ADGB: variants seen among roughly 807,000 people sequenced by gnomAD.
The protein encoded by ADGB is androglobin.
Under a neutral mutation model 210.5 loss-of-function variants are expected in ADGB, and 172 were observed. That is an observed-to-expected ratio of 0.82 (90% confidence interval 0.72 to 0.93). ADGB has a LOEUF of 0.93. Ranked by LOEUF, ADGB falls within the 40% of genes least tolerant of loss-of-function variation. ADGB has a pLI of 0.00. For missense variants in ADGB, 2,025 were observed against 1,964.8 expected, an observed-to-expected ratio of 1.03 and a Z score of -0.58; for synonymous variants, 658 against 662.7, an observed-to-expected ratio of 0.99 and a Z score of 0.11.
chr6:146,644,846 A>G lies in ADGB; in HGVS notation c.311A>G (p.Gln104Arg), dbSNP rs1262631859. The change falls in exon 3 of 36, where the codon CAA (glutamine) becomes CGA (arginine). Residue 104 changes from glutamine (Q) to arginine (R), a missense_variant. Transcript: ENST00000397944. The stretch of plus-strand genomic sequence containing the variant: ...AAAATTTATTCCTGGAAACGTCCAC[A>G]AGATATTTTATTTAGTCAGGTAAGA... ...SLKIYSWKRP[Q>R]DILFSQTPVV... 6.7e-7 allele frequency: 1 copy of G among 1,488,286 alleles called. No individual in the cohort carries two copies. Among genetic ancestry groups the G allele is most frequent in the Non-Finnish European group, 8.9e-7 (1 of 1,118,128 alleles). The allele number at this position is 1,488,286 out of a possible 1,614,324, so 92.2% of individuals were successfully genotyped here.
rs1404190614 is a variant in ADGB, at chr6:146,764,029, G to T, written c.3679G>T (p.Gly1227Cys). 7 of 1,551,252 alleles carry T rather than the reference G, an allele frequency of 4.5e-6. No homozygotes were observed. Among genetic ancestry groups the T allele is most frequent in the Middle Eastern group, 1.7e-4 (1 of 6,006 alleles). Residue 1227 changes from glycine (G) to cysteine (C), a missense_variant, in exon 28 of 36, where the codon GGT becomes TGT. Gly to Cys is a radical substitution (Grantham distance 159). Coordinates refer to ENST00000397944, the MANE Select transcript of ADGB (RefSeq NM_024694.4). ...AGCTGTAAGTGCAATACAAGACATT[G>T]GTCTACCCCTTGTGGAGGAGGAAAC... ...GRAVSAIQDI[G>C]LPLVEEETTS...
intron 5 of ADGB, 22 bp from the exon 6 acceptor site, chr6:146,664,179 A>G: frequency 6.5e-7 from 1 of 1,537,470 alleles, no homozygotes; most frequent in Non-Finnish European, 8.8e-7. Flanking sequence ...ATGGTATTAC[A>G]TTTCTTTCAT....
In ADGB at chr6:146,662,295, C is replaced by T. The variant is rs959805994; in HGVS notation, c.613-1906C>T. On this transcript the variant is annotated intron_variant, in intron 5 of 35. Coordinates refer to ENST00000397944, the MANE Select transcript of ADGB (RefSeq NM_024694.4). The stretch of plus-strand genomic sequence containing the variant: ...GAATATTATATCTTTTTGCATTATC[C>T]GCACAGGTCCCTGAGCCTTATATGA... 7.2e-5 allele frequency among the ~76,000 whole-genome samples: 11 copies of T among 151,820 alleles called. No individual in the cohort carries two copies. The East Asian group carries it at 7.7e-4, about 11-fold the overall frequency.
At chr6:146,605,679 C>G (rs117171601) in intron 1 of ADGB, among the ~76,000 whole-genome samples, 1 of 152,150 alleles carries the variant, frequency 6.6e-6, no homozygotes, top group East Asian at 1.9e-4. Flanking sequence ...CTGCAGCACC[C>G]GGGACAACAC....
intron 11 of ADGB, among the ~76,000 whole-genome samples, chr6:146,691,494 A>ATT (rs1776325312): frequency 1.7e-4 from 3 of 17,186 alleles, no homozygotes; most frequent in Non-Finnish European, 2.7e-4. Context: ...ATATATATAT[A>ATT]TATATATTTT....
chr6:146,727,703 C>T (rs1324608338), intron 19 of ADGB, among the ~76,000 whole-genome samples: 1 of 152,150 alleles, frequency 6.6e-6, no homozygotes, highest in Non-Finnish European at 1.5e-5. Context: ...TACTTAGAAC[C>T]ATAATTGATC....
At chr6:146,629,464 G>A (rs1421744804) in intron 1 of ADGB, among the ~76,000 whole-genome samples, 1 of 152,328 alleles carries the variant, frequency 6.6e-6, no homozygotes, top group East Asian at 1.9e-4. Context: ...GCGTTACAAG[G>A]AAAGTAGGCC....
chr6:146,781,247 G>A (rs909234066), intron 29 of ADGB, among the ~76,000 whole-genome samples: 7 of 151,196 alleles, frequency 4.6e-5, no homozygotes, highest in African/African-American at 1.7e-4. Context: ...GGAGGCTGAG[G>A]CAGGACAATG....
chr6:146,722,393 C>T (rs561493066), intron 17 of ADGB, among the ~76,000 whole-genome samples: 2 of 152,158 alleles, frequency 1.3e-5, no homozygotes, highest in Non-Finnish European at 2.9e-5. Context: ...AGCCTCCACA[C>T]ATTTGCTCTT....
At chr6:146,752,414 A>G in intron 26 of ADGB, 116 bp from the exon 27 acceptor site, 1 of 898,070 alleles carries the variant, frequency 1.1e-6, no homozygotes, top group Admixed American at 3.0e-5. Flanking sequence ...TCAAACAGTG[A>G]GGGTCACAGT....
At chr6:146,664,974 A>C (rs2114894868) in intron 6 of ADGB, among the ~76,000 whole-genome samples, 1 of 152,200 alleles carries the variant, frequency 6.6e-6, no homozygotes, top group Admixed American at 6.6e-5. Flanking sequence ...AAGGAGTCAT[A>C]CCATCCTGGC....
chr6:146,786,784 G>C (rs1777881307), intron 32 of ADGB, among the ~76,000 whole-genome samples: 1 of 152,122 alleles, frequency 6.6e-6, no homozygotes. Context: ...TTCAGTTCTT[G>C]TCTTTTAGGC....
At chr6:146,662,830 A>T (rs1027775111) in intron 5 of ADGB, among the ~76,000 whole-genome samples, 1 of 151,116 alleles carries the variant, frequency 6.6e-6, no homozygotes, top group African/African-American at 2.4e-5. Context: ...ATGCCAGTTT[A>T]GTTTATAAAG....
At chr6:146,779,105 C>T (rs538573921) in intron 29 of ADGB, among the ~76,000 whole-genome samples, 7 of 150,082 alleles carry the variant, frequency 4.7e-5, no homozygotes, top group East Asian at 1.9e-4. Flanking sequence ...CACATACTGG[C>T]GGATGCCAGA....
intron 3 of ADGB, among the ~76,000 whole-genome samples, chr6:146,647,272 CTAATAA>C (rs1225856541): frequency 1.3e-5 from 2 of 151,312 alleles, no homozygotes; most frequent in Non-Finnish European, 2.9e-5. Flanking sequence ...AATCAAAAAT[CTAATAA>C]TAATAATAAT....
chr6:146,709,255 C>A (rs1388995033), intron 13 of ADGB, among the ~76,000 whole-genome samples: 1 of 151,970 alleles, frequency 6.6e-6, no homozygotes, highest in African/African-American at 2.4e-5. Flanking sequence ...TTATTTTGTT[C>A]TTTTGGTGGG....
intron 27 of ADGB, among the ~76,000 whole-genome samples, chr6:146,755,397 T>C (rs1162223067): frequency 1.3e-5 from 2 of 152,102 alleles, no homozygotes; most frequent in Non-Finnish European, 2.9e-5. Context: ...GATTAGACCA[T>C]GGGATGCTAT....
chr6:146,807,227 G>C (rs1214220933), intron 35 of ADGB, among the ~76,000 whole-genome samples: 1 of 152,058 alleles, frequency 6.6e-6, no homozygotes, highest in African/African-American at 2.4e-5. Context: ...ACCCTTTGTT[G>C]CTATGTTTTG....
At chr6:146,724,797 T>C (rs1776870971) in intron 18 of ADGB, 1 of 152,180 alleles carries the variant, frequency 6.6e-6, no homozygotes, top group East Asian at 1.9e-4. Context: ...CTTATTTTTG[T>C]TAGATATTAT....
Sources: allele counts gnomAD v4.1 joint callset (sites outside exome capture counted in the v4.1 genomes callset), GRCh38; gene constraint gnomAD v4.1.1; transcripts MANE v1.5; gene names NCBI Gene and HGNC (gene_info 2026-07-23, HGNC 2026-07-21).